The following ANKRD11 variants were observed in gnomAD, a reference collection of about 807,000 sequenced individuals.
ANKRD11 encodes the protein ankyrin repeat domain 11.
ANKRD11 carries 17 observed loss-of-function variants against 195.7 expected under a neutral mutation model. The observed-to-expected ratio is 0.09, with a 90% CI of 0.06 to 0.13. ANKRD11 has a LOEUF of 0.13. Among genes scored for constraint, ANKRD11 ranks in the 10% least tolerant of loss-of-function variants. The pLI, the probability that ANKRD11 is intolerant of heterozygous loss-of-function variation, is 1.00. For synonymous variants in ANKRD11, 1,953 were observed against 1,528.1 expected, an observed-to-expected ratio of 1.28 and a Z score of -6.49; for missense variants, 3,735 against 3,566.1, an observed-to-expected ratio of 1.05 and a Z score of -1.21.
Position 89,281,284 on chromosome 16 carries a change from G to C in ANKRD11, c.5258C>G (p.Thr1753Ser). The C allele has an allele frequency of 6.2e-7, 1 of 1,614,248 alleles. No homozygotes were observed. The highest frequency in any genetic ancestry group is 1.7e-5 in the Admixed American group (1 of 60,038). ...GAAAAAGGAGGGGGAGCAGGCGCTG[G>C]TGGGAGCGGTGGGCACGGGCGTGGA... is the stretch of plus-strand genomic sequence containing the variant. ...QHSTPVPTAPTSACSPSFFDR... is the reference protein window; with the variant it reads ...QHSTPVPTAPSSACSPSFFDR... Residue 1753 changes from threonine (T) to serine (S), a missense_variant, in exon 9 of 13, where the codon ACC becomes AGC. Coordinates refer to ENST00000301030, the MANE Select transcript of ANKRD11 (RefSeq NM_013275.6). The surrounding 1 kb of genome is among the most constrained non-coding windows in gnomAD (Gnocchi z 5.5).
At chr16:89,477,344 C>A (rs1427073860) in intron 1 of ANKRD11, among the ~76,000 whole-genome samples, 1 of 151,900 alleles carries the variant, frequency 6.6e-6, no homozygotes, top group Non-Finnish European at 1.5e-5. Flanking sequence ...AGGCATGGGC[C>A]ACCACGCGTA....
intron 2 of ANKRD11, among the ~76,000 whole-genome samples, chr16:89,391,660 A>T (rs973283712): frequency 2.6e-5 from 4 of 152,190 alleles, no homozygotes; most frequent in Admixed American, 6.5e-5. Context: ...CAAACTCAGT[A>T]ATGATTTTAA....
intron 2 of ANKRD11, chr16:89,323,199 A>T: frequency 1.4e-6 from 1 of 739,328 alleles, no homozygotes; most frequent in South Asian, 1.5e-5. Flanking sequence ...ACAGGGAGAG[A>T]AGTCTCCAAC....
chr16:89,418,686 A>G (rs980519386), intron 1 of ANKRD11, among the ~76,000 whole-genome samples: 1 of 152,218 alleles, frequency 6.6e-6, no homozygotes, highest in African/African-American at 2.4e-5. Context: ...GGCTTTTTAT[A>G]CGTAAGAAAC....
chr16:89,490,523 G>C lies in ANKRD11; in HGVS notation c.-423C>G. ...TCGGCGGCGGCGCCTCCCCGGCTGG[G>C]GCCCTCGGTCCATCGCGCACCGTCT... On this transcript the variant is annotated 5_prime_UTR_variant, in exon 1 of 13. Transcript: ENST00000301030. 2.1e-6 allele frequency: 1 copy of C among 471,750 alleles called. No homozygotes were observed. The highest frequency in any genetic ancestry group is 3.4e-5 in the Admixed American group (1 of 29,086). The allele number at this position is 471,750 out of a possible 1,614,324, so 29.2% of individuals were successfully genotyped here.
chr16:89,488,999 T>A (rs1001902037), intron 1 of ANKRD11: 1 of 152,126 alleles, frequency 6.6e-6, no homozygotes, highest in African/African-American at 2.4e-5. Context: ...TTCCCAAGCC[T>A]CTTCCAAAAC....
chr16:89,422,505 C>A (rs886101024), intron 1 of ANKRD11, among the ~76,000 whole-genome samples: 29 of 152,288 alleles, frequency 1.9e-4, no homozygotes, highest in African/African-American at 6.5e-4. Context: ...CTAACAGGTG[C>A]GACTATGGGT....
chr16:89,362,517 G>A (rs1195162671), intron 2 of ANKRD11, among the ~76,000 whole-genome samples: 1 of 152,250 alleles, frequency 6.6e-6, no homozygotes, highest in Non-Finnish European at 1.5e-5. Context: ...CAGCACCAGA[G>A]ATACTGGGCG....
At chr16:89,424,490 G>A (rs2042639008) in intron 1 of ANKRD11, among the ~76,000 whole-genome samples, 2 of 151,680 alleles carry the variant, frequency 1.3e-5, no homozygotes. Flanking sequence ...CTGCTGTTCT[G>A]TGTGTCTCCA....
intron 2 of ANKRD11, among the ~76,000 whole-genome samples, chr16:89,389,894 G>T (rs181866835): frequency 7.7e-6 from 1 of 129,154 alleles, no homozygotes; most frequent in African/African-American, 3.1e-5. Context: ...GAGTGTGGCG[G>T]GGAGCACCGA....
intron 2 of ANKRD11, chr16:89,323,192 G>A (rs915625857): frequency 1.4e-6 from 1 of 691,140 alleles, no homozygotes; most frequent in Non-Finnish European, 2.2e-6. Context: ...ACACCTCACA[G>A]GGAGAGAAGT....
At chr16:89,299,823 G>A (rs539928921) in intron 4 of ANKRD11, 10 of 185,366 alleles carry the variant, frequency 5.4e-5, no homozygotes, top group African/African-American at 2.6e-4. Context: ...TGTGGGCTGC[G>A]TGGGGTCTGT....
chr16:89,465,837 A>C (rs1229252437), intron 1 of ANKRD11, among the ~76,000 whole-genome samples: 9 of 152,054 alleles, frequency 5.9e-5, no homozygotes, highest in Non-Finnish European at 4.4e-5. Context: ...CAGCCTCCCG[A>C]GTAGCTGGGA....
rs371574633 is a variant in ANKRD11 at position 89,285,624 on chromosome 16, T to C, written c.918A>G (p.Pro306=). The C allele has an allele frequency of 1.9e-6, 3 of 1,614,170 alleles. No individual in the cohort carries two copies. The highest frequency in any genetic ancestry group is 2.5e-6 in the Non-Finnish European group (3 of 1,180,032). The change falls in exon 9 of 13, where the codon CCA becomes CCG. Residue 306 remains proline (P), a synonymous_variant. Coordinates refer to ENST00000301030, the MANE Select transcript of ANKRD11 (RefSeq NM_013275.6). This position sits in a 1 kb window ranked among gnomAD's most constrained non-coding sequence, Gnocchi z 5.6. ...STESSEEEDA[P]SFAPSSSVDG... is the part of the protein sequence containing the mutation. ...CGACTGAACTGGAAGGTGCGAAGGA[T>C]GGTGCGTCTTCCTCTTCTGAGCTCT...
intron 2 of ANKRD11, among the ~76,000 whole-genome samples, chr16:89,342,508 C>A (rs577687740): frequency 6.6e-6 from 1 of 152,340 alleles, no homozygotes; most frequent in Admixed American, 6.5e-5. Context: ...GAGAGGCCAG[C>A]GTGAACTCGC....
chr16:89,428,938 T>A (rs933177443), intron 1 of ANKRD11, among the ~76,000 whole-genome samples: 1 of 152,160 alleles, frequency 6.6e-6, no homozygotes, highest in African/African-American at 2.4e-5. Context: ...TGTCCCTGAA[T>A]GTGCACTGTT....
intron 1 of ANKRD11, among the ~76,000 whole-genome samples, chr16:89,473,882 T>C (rs1425833877): frequency 6.6e-6 from 1 of 152,206 alleles, no homozygotes; most frequent in Non-Finnish European, 1.5e-5. Flanking sequence ...TGGCTTTCCC[T>C]TGACTGGGTT....
chr16:89,292,602 C>T (rs1979504), intron 4 of ANKRD11, among the ~76,000 whole-genome samples: 84,244 of 151,788 alleles, frequency 0.56, 24,942 homozygotes, highest in Non-Finnish European at 0.67. Context: ...CATCGACCTG[C>T]GTCACACTCA....
chr16:89,318,261 T>C (rs1792219663), intron 2 of ANKRD11, among the ~76,000 whole-genome samples: 1 of 152,190 alleles, frequency 6.6e-6, no homozygotes, highest in African/African-American at 2.4e-5. Flanking sequence ...TCCCTGCCTG[T>C]GGGCCTTCTA....
Sources: gnomAD v4.1 joint callset for allele counts (sites outside exome capture counted in the v4.1 genomes callset) on GRCh38, gnomAD v4.1.1 for gene constraint, Gnocchi (gnomAD v3.1) non-coding constraint, MANE v1.5 for transcripts, NCBI Gene and HGNC (gene_info 2026-07-23, HGNC 2026-07-21) for gene names.